IGSF5: variants seen among roughly 807,000 people sequenced by gnomAD.
IGSF5 encodes the protein immunoglobulin superfamily 5 like.
A neutral mutation model predicts 39.4 loss-of-function variants in IGSF5; 41 were observed. The ratio of observed to expected loss-of-function variants is 1.04; its 90% confidence interval spans 0.81 to 1.35. The LOEUF (loss-of-function observed/expected upper bound fraction) is 1.35, where lower values mean the gene tolerates loss of function less well. IGSF5 is among the 40% of genes most tolerant of loss of function. The probability of loss-of-function intolerance (pLI) is 0.00; values close to 1 mark genes in which losing one functional copy is unlikely to be tolerated. For synonymous variants in IGSF5, 183 were observed against 175.3 expected, an observed-to-expected ratio of 1.04 and a Z score of -0.34; for missense variants, 487 against 494.6, an observed-to-expected ratio of 0.98 and a Z score of 0.15.
upstream of IGSF5, among the ~76,000 whole-genome samples, chr21:39,742,413 G>A (rs1446326998): frequency 2.6e-5 from 4 of 152,196 alleles, no homozygotes; most frequent in Non-Finnish European, 4.4e-5. Flanking sequence ...TGAGAAGGCC[G>A]CACCGGCGTC....
Position 39,745,348 on chromosome 21 carries a change from C to A in IGSF5, c.-162C>A. 1.8e-6 allele frequency: 1 copy of A among 557,796 alleles called. No individual in the cohort carries two copies. Among genetic ancestry groups the A allele is most frequent in the Non-Finnish European group, 3.2e-6 (1 of 310,086 alleles). The allele number at this position is 557,796 out of a possible 1,614,324, so 34.6% of individuals were successfully genotyped here. ...ATAGCCTAGGTGCCTGAGGACGCAG[C>A]GTAGGGCTTCCTTAGATCCCTTTGG... On this transcript the variant is annotated 5_prime_UTR_variant, in exon 1 of 9. Transcript: ENST00000380588.
chr21:39,733,986 T>A, the IGSF5 span, among the ~76,000 whole-genome samples: 1 of 152,192 alleles, frequency 6.6e-6, no homozygotes. Context: ...ATGAATTACA[T>A]CTGCAATGAC....
rs745784705 is a variant in IGSF5, at chr21:39,779,253, T to A, written c.882T>A (p.Cys294Ter). 1 of 1,613,690 alleles carries A rather than the reference T, an allele frequency of 6.2e-7. No homozygotes were observed. The highest frequency in any genetic ancestry group is 8.5e-7 in the Non-Finnish European group (1 of 1,179,720). ...GCTGCTGCTGCTGCCGCCGTCGTTGTTGTGGCTGCAACTGCTGCTGCCGTT... is the reference window on the plus strand; with the variant it reads ...GCTGCTGCTGCTGCCGCCGTCGTTGATGTGGCTGCAACTGCTGCTGCCGTT... ...TIRCCCCRRR[C>*]CGCNCCCRCC... The change falls in exon 5 of 9, where the codon TGT (cysteine) becomes TGA (stop). Residue 294 changes from cysteine (C) to a stop codon, truncating the protein, a stop_gained. Transcript: ENST00000380588. LOFTEE classifies it high-confidence loss of function.
At chr21:39,730,835 C>G in the IGSF5 span, among the ~76,000 whole-genome samples, 3 of 152,204 alleles carry the variant, frequency 2.0e-5, no homozygotes, top group Non-Finnish European at 4.4e-5. Flanking sequence ...ACGTTCAAGG[C>G]CCCTTTGAGT....
At chr21:39,788,771 C>G (rs969125389) in intron 6 of IGSF5, among the ~76,000 whole-genome samples, 3 of 152,170 alleles carry the variant, frequency 2.0e-5, no homozygotes, top group Non-Finnish European at 4.4e-5. Flanking sequence ...TAGCCAGTAA[C>G]CCTTTTAAAT....
At chr21:39,712,045 G>A in the IGSF5 span, among the ~76,000 whole-genome samples, 1 of 152,198 alleles carries the variant, frequency 6.6e-6, no homozygotes, top group South Asian at 2.1e-4. Flanking sequence ...GTGAGCCACT[G>A]GGAGCAATCA....
chr21:39,772,877 C>T (rs962857389), intron 4 of IGSF5, among the ~76,000 whole-genome samples: 1 of 152,166 alleles, frequency 6.6e-6, no homozygotes, highest in Non-Finnish European at 1.5e-5. Context: ...ATTTATCCAA[C>T]ATAAAAGTAC....
chr21:39,770,282 ATAACT>A (rs887993860), intron 3 of IGSF5, among the ~76,000 whole-genome samples: 2 of 151,772 alleles, frequency 1.3e-5, no homozygotes, highest in African/African-American at 4.8e-5. Context: ...TAATAAAAAA[ATAACT>A]TATCTAAGTT....
intron 5 of IGSF5, among the ~76,000 whole-genome samples, chr21:39,779,746 G>C (rs752956460): frequency 6.6e-6 from 1 of 152,154 alleles, no homozygotes; most frequent in Non-Finnish European, 1.5e-5. Flanking sequence ...CTTGTCCTTT[G>C]CTACACCCTG....
chr21:39,747,222 AAGAGCGAATC>A (rs1284080901), intron 2 of IGSF5, among the ~76,000 whole-genome samples: 1 of 152,236 alleles, frequency 6.6e-6, no homozygotes, highest in East Asian at 1.9e-4. Flanking sequence ...TGGCAGCAGC[AAGAGCGAATC>A]AGAGAGCCAA....
At chr21:39,730,649 C>T in the IGSF5 span, 2 of 152,160 alleles carry the variant, frequency 1.3e-5, no homozygotes, top group African/African-American at 2.4e-5. Context: ...AGTCATTTCT[C>T]GGCCATGCAC....
intron 4 of IGSF5, among the ~76,000 whole-genome samples, chr21:39,774,933 G>A (rs1463139283): frequency 1.3e-5 from 2 of 152,220 alleles, no homozygotes; most frequent in South Asian, 2.1e-4. Flanking sequence ...TTTCTCACCT[G>A]TAAAGTGGGT....
rs755885976 is a variant in IGSF5, at chr21:39,792,045, A to T, written c.994A>T (p.Thr332Ser). ...EKEKTNKETETESGNENSGYN... is the reference protein window; with the variant it reads ...EKEKTNKETESESGNENSGYN... ...AGAGAAGACAAACAAAGAAACTGAGACAGAAAGTGGAAATGAAAACTCCGG... is the reference window on the plus strand; with the variant it reads ...AGAGAAGACAAACAAAGAAACTGAGTCAGAAAGTGGAAATGAAAACTCCGG... The change falls in exon 7 of 9, where the codon ACA becomes TCA. Residue 332 changes from threonine to serine, a missense_variant. Thr to Ser is a moderately conservative substitution (Grantham distance 58). Transcript: ENST00000380588. The T allele has an allele frequency of 1.6e-5, 25 of 1,611,220 alleles. No homozygotes were observed. Among genetic ancestry groups the T allele is most frequent in the Non-Finnish European group, 1.6e-5 (19 of 1,178,638 alleles).
chr21:39,788,389 G>C (rs1193328871), intron 6 of IGSF5, among the ~76,000 whole-genome samples: 2 of 152,228 alleles, frequency 1.3e-5, no homozygotes, highest in Non-Finnish European at 2.9e-5. Flanking sequence ...GGATGAAACA[G>C]ATGGGTTGCC....
chr21:39,731,278 A>C, the IGSF5 span, among the ~76,000 whole-genome samples: 1 of 152,280 alleles, frequency 6.6e-6, no homozygotes, highest in South Asian at 2.1e-4. Context: ...AGGTCGGTTT[A>C]TCGCAGTTTG....
At chr21:39,771,418 T>C (rs2080114379) in intron 4 of IGSF5, among the ~76,000 whole-genome samples, 2 of 152,220 alleles carry the variant, frequency 1.3e-5, no homozygotes, top group Non-Finnish European at 2.9e-5. Context: ...CTTAAAGTTT[T>C]TTTTCTCCTA....
chr21:39,792,409 T>G (rs1246240882), intron 7 of IGSF5, among the ~76,000 whole-genome samples: 1 of 152,050 alleles, frequency 6.6e-6, no homozygotes, highest in Admixed American at 6.6e-5. Context: ...AGGATAGCAT[T>G]AGGAGATATA....
chr21:39,748,595 G>A (rs907770685), intron 2 of IGSF5, among the ~76,000 whole-genome samples: 6 of 152,148 alleles, frequency 3.9e-5, no homozygotes, highest in African/African-American at 1.4e-4. Flanking sequence ...ATAAGGACCT[G>A]AGTCCCATCA....
chr21:39,722,671 T>C, the IGSF5 span: 2 of 152,226 alleles, frequency 1.3e-5, no homozygotes, highest in African/African-American at 2.4e-5. Flanking sequence ...TAACTAAAAT[T>C]TCATCCCTTG....
Sources: allele counts gnomAD v4.1 joint callset (sites outside exome capture counted in the v4.1 genomes callset), GRCh38; gene constraint gnomAD v4.1.1; transcripts MANE v1.5; gene names NCBI Gene and HGNC (gene_info 2026-07-23, HGNC 2026-07-21).